The following AP3B1 variants were observed in gnomAD, a reference collection of about 807,000 sequenced individuals.
The protein encoded by AP3B1 is adaptor related protein complex 3 subunit beta 1, also known as AP-3 complex subunit beta-1.
A neutral mutation model predicts 132.5 loss-of-function variants in AP3B1; 61 were observed. The ratio of observed to expected loss-of-function variants is 0.46; its 90% CI spans 0.37 to 0.57. The LOEUF is 0.57. AP3B1 is among the 20% of genes least tolerant of loss of function. The probability of loss-of-function intolerance (pLI) is 0.00; values close to 1 mark genes in which losing one functional copy is unlikely to be tolerated. For missense variants in AP3B1, 1,120 were observed against 1,289.4 expected, an observed-to-expected ratio of 0.87 and a Z score of 2.01; for synonymous variants, 388 against 438.3, an observed-to-expected ratio of 0.89 and a Z score of 1.43.
At chr5:78,017,587 A>C (rs1285955600) in intron 25 of AP3B1, among the ~76,000 whole-genome samples, 1 of 152,090 alleles carries the variant, frequency 6.6e-6, no homozygotes, top group African/African-American at 2.4e-5. Flanking sequence ...CTTGCTAGCT[A>C]GGAACTCATA....
intron 15 of AP3B1, among the ~76,000 whole-genome samples, chr5:78,135,815 C>T (rs1489196967): frequency 1.1e-4 from 17 of 152,076 alleles, no homozygotes; most frequent in Non-Finnish European, 2.5e-4. Flanking sequence ...ATCCTTTCTT[C>T]CTCAAACTTC....
intron 1 of AP3B1, among the ~76,000 whole-genome samples, chr5:78,291,924 C>T (rs888823878): frequency 6.6e-6 from 1 of 152,114 alleles, no homozygotes; most frequent in Non-Finnish European, 1.5e-5. Context: ...TGTAAAAGAA[C>T]ATGATGTGTA....
chr5:78,290,511 TTAAA>T (rs1749466194), intron 1 of AP3B1, among the ~76,000 whole-genome samples: 1 of 152,170 alleles, frequency 6.6e-6, no homozygotes, highest in Non-Finnish European at 1.5e-5. Flanking sequence ...TAATTCCTAA[TTAAA>T]TGTTTAATCC....
chr5:78,119,235 G>A (rs1752028910), intron 17 of AP3B1, among the ~76,000 whole-genome samples: 1 of 152,076 alleles, frequency 6.6e-6, no homozygotes, highest in African/African-American at 2.4e-5. Flanking sequence ...CCACAAAGAT[G>A]GGGAAAAAAC....
chr5:78,193,770 A>ATATATATATATATTTTTT, intron 7 of AP3B1, among the ~76,000 whole-genome samples: 24 of 67,206 alleles, frequency 3.6e-4, no homozygotes, highest in African/African-American at 1.1e-3. Flanking sequence ...ATATATATAT[A>ATATATATATATATTTTTT]TTTTTTTTTT....
intron 14 of AP3B1, among the ~76,000 whole-genome samples, chr5:78,154,427 C>A (rs908783833): frequency 1.3e-5 from 2 of 152,084 alleles, no homozygotes; most frequent in African/African-American, 4.8e-5. Flanking sequence ...TCGAGGTAGG[C>A]TTCTTTGGGT....
At chr5:78,017,496 T>C (rs1481673974) in intron 25 of AP3B1, among the ~76,000 whole-genome samples, 1 of 152,028 alleles carries the variant, frequency 6.6e-6, no homozygotes, top group Non-Finnish European at 1.5e-5. Flanking sequence ...GGTGCTCTAA[T>C]TAAGGGGCAT....
chr5:78,012,262 T>C (rs1425625461), intron 26 of AP3B1, among the ~76,000 whole-genome samples: 24 of 151,950 alleles, frequency 1.6e-4, no homozygotes, highest in Non-Finnish European at 1.5e-5. Context: ...AATAAAGTGG[T>C]AAACAGTTAA....
chr5:78,157,010 T>A (rs575707629), intron 13 of AP3B1, among the ~76,000 whole-genome samples: 5 of 152,250 alleles, frequency 3.3e-5, no homozygotes, highest in Non-Finnish European at 7.4e-5. Flanking sequence ...ACCTGTAGTC[T>A]GCCTCAACCA....
At chr5:78,030,541 C>T (rs775693033) in intron 24 of AP3B1, among the ~76,000 whole-genome samples, 17 of 152,178 alleles carry the variant, frequency 1.1e-4, no homozygotes, top group Middle Eastern at 3.4e-3. Flanking sequence ...TTTTTCTCTG[C>T]TTTGGAAGAT....
intron 7 of AP3B1, among the ~76,000 whole-genome samples, chr5:78,203,005 T>C (rs1221156418): frequency 4.6e-5 from 7 of 152,182 alleles, no homozygotes; most frequent in Non-Finnish European, 7.3e-5. Flanking sequence ...AAGAAGAACT[T>C]ACTTGTTGAC....
intron 13 of AP3B1, among the ~76,000 whole-genome samples, chr5:78,160,093 T>C (rs2112365239): frequency 6.6e-6 from 1 of 152,284 alleles, no homozygotes; most frequent in African/African-American, 2.4e-5. Context: ...GTGGTCACTA[T>C]ATGGGAAGAC....
chr5:78,242,688 C>T (rs1236876884), intron 2 of AP3B1, among the ~76,000 whole-genome samples: 2 of 152,044 alleles, frequency 1.3e-5, no homozygotes, highest in Non-Finnish European at 2.9e-5. Context: ...ATTACAGGCA[C>T]GTGCCACCAT....
chr5:78,177,189 T>C (rs1744180161), intron 9 of AP3B1, 150 bp downstream of exon 9: 1 of 616,984 alleles, frequency 1.6e-6, no homozygotes, highest in South Asian at 2.1e-5. Flanking sequence ...TAAAGACTTT[T>C]ATAATAATCC....
intron 22 of AP3B1, among the ~76,000 whole-genome samples, chr5:78,084,521 C>CAA (rs568637894): frequency 0.017 from 758 of 43,958 alleles, 55 homozygotes; most frequent in Non-Finnish European, 0.021. Flanking sequence ...CAGACCCTGT[C>CAA]AAAAAAAAAA....
chr5:78,157,129 G>A (rs1433682798), intron 13 of AP3B1, among the ~76,000 whole-genome samples: 1 of 152,130 alleles, frequency 6.6e-6, no homozygotes, highest in Non-Finnish European at 1.5e-5. Context: ...TACTCTGCCA[G>A]CCTCCTCTCC....
intron 25 of AP3B1, 51 bp from the exon 26 acceptor site, chr5:78,015,599 C>T: frequency 6.2e-7 from 1 of 1,600,552 alleles, no homozygotes; most frequent in South Asian, 1.1e-5. Flanking sequence ...TTGAAAATTA[C>T]ATTTACAGAA....
chr5:78,243,819 G>A (rs536553682), intron 2 of AP3B1, among the ~76,000 whole-genome samples: 36 of 152,218 alleles, frequency 2.4e-4, no homozygotes, highest in African/African-American at 8.4e-4. Context: ...TGAGAGATAA[G>A]GTCAGAAATG....
rs1747706406 is a variant in AP3B1, at chr5:78,034,347, A to G, written c.2894+14T>C. The G allele has an allele frequency of 6.3e-7, 1 of 1,596,676 alleles. No homozygotes were observed. The highest frequency in any genetic ancestry group is 8.6e-7 in the Non-Finnish European group (1 of 1,164,364). On this transcript the variant is annotated intron_variant, in intron 24 of 26. Transcript: ENST00000255194. ...TACAGGTTATATAAAAAATAGAAGAACAATTGAACTTACCACAACTGGAAA... is the reference window on the plus strand; with the variant it reads ...TACAGGTTATATAAAAAATAGAAGAGCAATTGAACTTACCACAACTGGAAA...
Sources: allele counts gnomAD v4.1 joint callset (sites outside exome capture counted in the v4.1 genomes callset), GRCh38; gene constraint gnomAD v4.1.1; transcripts MANE v1.5; gene names NCBI Gene and HGNC (gene_info 2026-07-23, HGNC 2026-07-21).